The following GRM7 variants were observed in gnomAD, a reference collection of about 807,000 sequenced individuals.
GRM7 encodes the protein glutamate metabotropic receptor 7.
GRM7 carries 35 observed loss-of-function variants against 84.5 expected under a neutral mutation model. That is an observed-to-expected ratio of 0.41 (90% CI 0.32 to 0.55). GRM7 has a LOEUF of 0.55. Among genes scored for constraint, GRM7 ranks in the 20% least tolerant of loss-of-function variants. The probability of loss-of-function intolerance (pLI) is 0.19; values close to 1 mark genes in which losing one functional copy is unlikely to be tolerated. For missense variants in GRM7, 1,003 were observed against 1,194.6 expected, an observed-to-expected ratio of 0.84 and a Z score of 2.36; for synonymous variants, 487 against 455.1, an observed-to-expected ratio of 1.07 and a Z score of -0.89.
chr3:7,395,038 C>CA (rs33944777), intron 4 of GRM7, among the ~76,000 whole-genome samples: 236 of 135,846 alleles, frequency 1.7e-3, no homozygotes, highest in South Asian at 0.011. Context: ...AACTCTGTCT[C>CA]AAAAAAAAAA....
rs977340477 is a variant in GRM7, at chr3:7,068,431, C to T, written c.520-78021C>T. ...TCAAGTAATAGTTACGCACAAAGTACGCTACACAGCTGATTTCAACAAACT... is the reference window on the plus strand; with the variant it reads ...TCAAGTAATAGTTACGCACAAAGTATGCTACACAGCTGATTTCAACAAACT... On this transcript the variant is annotated intron_variant, in intron 1 of 9. Transcript: ENST00000357716. 2.6e-4 allele frequency among the ~76,000 whole-genome samples: 40 copies of T among 152,100 alleles called. 1 individual carries two copies. The highest frequency in any genetic ancestry group is 3.4e-3 in the Middle Eastern group (1 of 294).
intron 7 of GRM7, among the ~76,000 whole-genome samples, chr3:7,480,549 TAAA>T (rs752960748): frequency 6.6e-6 from 1 of 152,176 alleles, no homozygotes; most frequent in Non-Finnish European, 1.5e-5. Flanking sequence ...GTTTAAACAT[TAAA>T]TAAAAAGTAA....
intron 7 of GRM7, among the ~76,000 whole-genome samples, chr3:7,531,337 G>T (rs1701028368): frequency 1.3e-5 from 2 of 151,988 alleles, no homozygotes; most frequent in South Asian, 4.1e-4. Flanking sequence ...TGCTGTTTGG[G>T]TTACTGTAGC....
intron 9 of GRM7, among the ~76,000 whole-genome samples, chr3:7,697,566 C>G (rs75241235): frequency 0.02 from 3,093 of 152,268 alleles, 92 homozygotes; most frequent in East Asian, 0.092. Context: ...ATAGAAGATT[C>G]AGATTTACAA....
chr3:7,656,576 CA>C (rs1421808838), intron 8 of GRM7, among the ~76,000 whole-genome samples: 2 of 150,560 alleles, frequency 1.3e-5, no homozygotes, highest in African/African-American at 4.9e-5. Context: ...CACACACACA[CA>C]AAGTGTGCTG....
At position 7,428,280 on chromosome 3, in the gene GRM7, C is replaced by A. The variant is rs568524549; in HGVS notation, c.1174+13117C>A. ...GAATGTGGGCAAAGAAAAGACTGTC[C>A]TTGAAAAAGAGCTTTCACTTCTCTG... On this transcript the variant is annotated intron_variant, in intron 5 of 9. Coordinates refer to ENST00000357716, the MANE Select transcript of GRM7 (RefSeq NM_000844.4). Among the ~76,000 whole-genome samples, 20 of 149,356 alleles carry A rather than the reference C, an allele frequency of 1.3e-4. No homozygotes were observed. In the South Asian group the frequency reaches 4.3e-3, roughly 32 times the overall value.
intron 1 of GRM7, chr3:6,956,714 A>G (rs1389212624): frequency 2.2e-6 from 1 of 451,894 alleles, no homozygotes; most frequent in Non-Finnish European, 4.4e-6. Flanking sequence ...AAAGGTTTAT[A>G]TCTCACAATT....
intron 5 of GRM7, among the ~76,000 whole-genome samples, chr3:7,419,826 CAGA>C (rs1696323440): frequency 6.6e-6 from 1 of 152,132 alleles, no homozygotes; most frequent in Admixed American, 6.6e-5. Context: ...TTCGCGATGA[CAGA>C]AGATGAATAA....
intron 8 of GRM7, among the ~76,000 whole-genome samples, chr3:7,624,485 G>A (rs528043634): frequency 0.02 from 2,975 of 152,188 alleles, 31 homozygotes; most frequent in Non-Finnish European, 0.032. Flanking sequence ...TGATAATACA[G>A]GAATTTCCAA....
intron 7 of GRM7, among the ~76,000 whole-genome samples, chr3:7,475,525 A>G (rs1698887330): frequency 6.6e-6 from 1 of 152,180 alleles, no homozygotes; most frequent in South Asian, 2.1e-4. Flanking sequence ...GGATTCAATT[A>G]AGGATGGCAG....
intron 8 of GRM7, among the ~76,000 whole-genome samples, chr3:7,667,467 A>G (rs1042615609): frequency 6.6e-6 from 1 of 152,182 alleles, no homozygotes; most frequent in Non-Finnish European, 1.5e-5. Flanking sequence ...CACAAAAAGT[A>G]TGGTGATCCC....
At chr3:7,472,696 A>G (rs1698752288) in intron 7 of GRM7, among the ~76,000 whole-genome samples, 1 of 152,162 alleles carries the variant, frequency 6.6e-6, no homozygotes. Context: ...ACTTCCAGAA[A>G]TCTGGTCAAA....
chr3:7,290,167 A>C (rs1197743964), intron 2 of GRM7, among the ~76,000 whole-genome samples: 1 of 152,204 alleles, frequency 6.6e-6, no homozygotes, highest in Non-Finnish European at 1.5e-5. Context: ...AAAAATGGCA[A>C]AGAAAGTAAC....
chr3:7,359,780 G>A (rs535193613), intron 4 of GRM7, among the ~76,000 whole-genome samples: 4 of 148,552 alleles, frequency 2.7e-5, no homozygotes, highest in South Asian at 2.1e-4. Flanking sequence ...TGCAGAAAAC[G>A]TTTGTGGAAT....
chr3:7,095,778 G>T (rs561171483), intron 1 of GRM7, among the ~76,000 whole-genome samples: 9 of 151,920 alleles, frequency 5.9e-5, no homozygotes, highest in South Asian at 2.1e-4. Flanking sequence ...TTTCTAGTCT[G>T]CTGGTTAAAT....
chr3:6,905,370 T>C (rs1696538016), intron 1 of GRM7, among the ~76,000 whole-genome samples: 1 of 152,192 alleles, frequency 6.6e-6, no homozygotes, highest in East Asian at 1.9e-4. Context: ...TACAAGTGTA[T>C]CTTATATTCT....
intron 1 of GRM7, among the ~76,000 whole-genome samples, chr3:6,927,463 G>GAGAGAAAGAAAGAAAGAAAGAA (rs1553595155): frequency 2.1e-5 from 2 of 93,218 alleles, no homozygotes; most frequent in Non-Finnish European, 2.6e-5. Flanking sequence ...GAAAGAGAGA[G>GAGAGAAAGAAAGAAAGAAAGAA]AGAAAGAAAG....
chr3:7,318,801 G>C (rs1700671446), intron 4 of GRM7, among the ~76,000 whole-genome samples: 1 of 152,016 alleles, frequency 6.6e-6, no homozygotes. Flanking sequence ...TTTACATACT[G>C]TTTCCAAGAC....
chr3:7,431,404 T>C (rs1222264236), intron 5 of GRM7, among the ~76,000 whole-genome samples: 1 of 152,006 alleles, frequency 6.6e-6, no homozygotes, highest in Non-Finnish European at 1.5e-5. Flanking sequence ...AGTTCCTTCT[T>C]AGTGGGGGGA....
Sources: allele counts gnomAD v4.1 joint callset (sites outside exome capture counted in the v4.1 genomes callset), GRCh38; gene constraint gnomAD v4.1.1; transcripts MANE v1.5; gene names NCBI Gene and HGNC (gene_info 2026-07-23, HGNC 2026-07-21).